Variants in DLG2 observed in about 807,000 individuals in gnomAD.
DLG2 encodes discs large MAGUK scaffold protein 2, also known as disks large homolog 2.
A neutral mutation model predicts 132.5 loss-of-function variants in DLG2; 45 were observed. The ratio of observed to expected loss-of-function variants is 0.34; its 90% confidence interval spans 0.27 to 0.44. DLG2 has a LOEUF of 0.44. Among genes scored for constraint, DLG2 ranks in the 20% least tolerant of loss-of-function variants. The pLI is 1.00. For missense variants in DLG2, 1,045 were observed against 1,196.9 expected (o/e 0.87, Z 1.87); for synonymous variants, 424 against 419.6 (o/e 1.01, Z -0.13).
chr11:83,670,441 A>T (rs559473557), intron 18 of DLG2, among the ~76,000 whole-genome samples: 2 of 152,224 alleles, frequency 1.3e-5, no homozygotes, highest in African/African-American at 4.8e-5. Context: ...CTTGGTCACC[A>T]TGATAGGTTT....
intron 6 of DLG2, among the ~76,000 whole-genome samples, chr11:84,940,813 C>T (rs967145916): frequency 2.0e-5 from 3 of 152,144 alleles, no homozygotes; most frequent in African/African-American, 4.8e-5. Flanking sequence ...AGACCAATGA[C>T]CTAGAGAGTT....
At chr11:84,052,925 A>G (rs150474368) in intron 11 of DLG2, among the ~76,000 whole-genome samples, 2,507 of 152,188 alleles carry the variant, frequency 0.016, 70 homozygotes, top group African/African-American at 0.056. Context: ...TATATACCCA[A>G]AGAAATATAA....
At chr11:83,904,695 T>C (rs906657697) in intron 15 of DLG2, among the ~76,000 whole-genome samples, 3 of 152,062 alleles carry the variant, frequency 2.0e-5, no homozygotes, top group African/African-American at 7.2e-5. Flanking sequence ...ATAACAATAA[T>C]GCATTTCTCC....
chr11:85,398,614 G>T (rs1432724055), intron 3 of DLG2, among the ~76,000 whole-genome samples: 2 of 152,178 alleles, frequency 1.3e-5, no homozygotes, highest in Non-Finnish European at 1.5e-5. Flanking sequence ...CAATCCCACA[G>T]AAATACAAAC....
intron 14 of DLG2, among the ~76,000 whole-genome samples, chr11:83,945,993 CTTTTT>C (rs765410972): frequency 1.4e-5 from 1 of 72,010 alleles, no homozygotes; most frequent in Non-Finnish European, 2.6e-5. Context: ...CTCTCTCTCT[CTTTTT>C]TTTTTTTTTT....
At position 85,014,702 on chromosome 11, in the gene DLG2, C is replaced by T. The variant is rs186340781; in HGVS notation, c.357+96959G>A. On this transcript the variant is annotated intron_variant, in intron 6 of 27. Transcript: ENST00000376104. ...AAATGATTCATACTTCAAAGCCCCA[C>T]CCGGACCTAACACACATCAGCTCCA... Among the ~76,000 whole-genome samples, 438 of 152,272 alleles carry T rather than the reference C, an allele frequency of 2.9e-3. 3 individuals carry two copies. The highest frequency in any genetic ancestry group is 0.018 in the South Asian group (89 of 4,824).
intron 6 of DLG2, among the ~76,000 whole-genome samples, chr11:84,871,865 G>C (rs1202300837): frequency 2.0e-5 from 3 of 152,078 alleles, no homozygotes; most frequent in Non-Finnish European, 4.4e-5. Flanking sequence ...AGTAGAGACG[G>C]GGTTTCACCA....
rs4944472 is a variant in DLG2 at position 84,211,061 on chromosome 11, G to C, written c.573+40177C>G. On this transcript the variant is annotated intron_variant, in intron 8 of 27. Coordinates refer to ENST00000376104, the MANE Select transcript of DLG2 (RefSeq NM_001142699.3). Reference sequence around the variant, plus strand: ...TTGAATCAAGTTTCTAAAGTATATCGTTGGATGAAAAGAAACAAAACAACT... The same window carrying C: ...TTGAATCAAGTTTCTAAAGTATATCCTTGGATGAAAAGAAACAAAACAACT... Among the ~76,000 whole-genome samples the C allele has an allele frequency of 2.0e-5, 3 of 152,102 alleles. No individual in the cohort carries two copies. In the East Asian group the frequency reaches 5.8e-4, roughly 29 times the overall value.
In DLG2 at chr11:84,001,323, T is replaced by TAAA. The variant is rs34868321; in HGVS notation, c.920-20684_920-20682dup. On this transcript the variant is annotated intron_variant, in intron 11 of 27. Transcript: ENST00000376104. ...TATATTGGATAAAACAGACTTCAAG[T>TAAA]AAAAAAAAAAAAACAGTAAAAAAGA... Among the ~76,000 whole-genome samples the TAAA allele has an allele frequency of 2.4e-3, 334 of 138,958 alleles. 2 individuals carry two copies. Among genetic ancestry groups the TAAA allele is most frequent in the Middle Eastern group, 0.011 (3 of 266 alleles). The allele number at this position is 138,958 out of a possible 152,430, so 91.2% of individuals were successfully genotyped here.
At chr11:83,808,391 G>C (rs2046452155) in intron 17 of DLG2, among the ~76,000 whole-genome samples, 1 of 152,136 alleles carries the variant, frequency 6.6e-6, no homozygotes, top group Non-Finnish European at 1.5e-5. Flanking sequence ...CTGGCTGCAG[G>C]TTCTGATCAG....
At chr11:85,259,819 G>A (rs1366689034) in intron 4 of DLG2, among the ~76,000 whole-genome samples, 1 of 151,884 alleles carries the variant, frequency 6.6e-6, no homozygotes, top group Non-Finnish European at 1.5e-5. Flanking sequence ...GCATATTTAA[G>A]GCAATTCAGA....
Position 83,960,636 on chromosome 11 carries a change from A to AT in DLG2, c.1340+2248dup, listed in dbSNP as rs34317339. Among the ~76,000 whole-genome samples the AT allele has an allele frequency of 4.4e-3, 638 of 146,062 alleles. 9 individuals are homozygous for AT. The highest frequency in any genetic ancestry group is 0.013 in the African/African-American group (523 of 40,502). The stretch of plus-strand genomic sequence containing the variant: ...CATTGGGGAATCCATTGATTTACAC[A>AT]TTTTTTTTTTTTGCCTCAATTGAAT... On this transcript the variant is annotated intron_variant, in intron 14 of 27. Coordinates refer to ENST00000376104, the MANE Select transcript of DLG2 (RefSeq NM_001142699.3).
intron 8 of DLG2, among the ~76,000 whole-genome samples, chr11:84,197,818 T>A (rs2096541596): frequency 6.6e-6 from 1 of 152,128 alleles, no homozygotes; most frequent in Admixed American, 6.5e-5. Flanking sequence ...ATAATTCTGG[T>A]CACGTTTTAT....
intron 6 of DLG2, among the ~76,000 whole-genome samples, chr11:85,003,473 CT>C (rs912892672): frequency 9.2e-5 from 14 of 152,042 alleles, no homozygotes; most frequent in African/African-American, 3.4e-4. Flanking sequence ...TTGTAAATCT[CT>C]TTTGGTTTAA....
chr11:85,421,320 G>A (rs2090289999), intron 3 of DLG2, among the ~76,000 whole-genome samples: 6 of 152,014 alleles, frequency 3.9e-5, no homozygotes, highest in Admixed American at 3.9e-4. Flanking sequence ...TACCTCAGTT[G>A]GAAATGCAGA....
intron 5 of DLG2, among the ~76,000 whole-genome samples, chr11:85,147,645 T>C (rs1204849304): frequency 2.0e-5 from 3 of 152,240 alleles, no homozygotes. Flanking sequence ...GAATTAAGTA[T>C]AATTTTACAG....
chr11:84,833,598 T>C (rs2079318819), intron 6 of DLG2, among the ~76,000 whole-genome samples: 1 of 150,660 alleles, frequency 6.6e-6, no homozygotes, highest in Non-Finnish European at 1.5e-5. Flanking sequence ...AAAAAGGAAC[T>C]ATCAGCACCA....
At chr11:85,317,004 G>A (rs2080729572) in intron 3 of DLG2, among the ~76,000 whole-genome samples, 1 of 151,970 alleles carries the variant, frequency 6.6e-6, no homozygotes, top group South Asian at 2.1e-4. Flanking sequence ...GTTCTGAAGT[G>A]TCAGAAATGG....
rs576807519 is a variant in DLG2 at position 85,190,714 on chromosome 11, T to G, written c.187-36063A>C. 2.6e-5 allele frequency among the ~76,000 whole-genome samples: 4 copies of G among 151,672 alleles called. No homozygotes were observed. The East Asian group carries it at 7.8e-4, about 30-fold the overall frequency. On this transcript the variant is annotated intron_variant, in intron 4 of 27. Transcript: ENST00000376104. The stretch of plus-strand genomic sequence containing the variant: ...CCCCACAGAAATACAAAAGCTCTGT[T>G]ATGAACACCCCTATGCACATAAATT...
Sources: allele counts gnomAD v4.1 joint callset (sites outside exome capture counted in the v4.1 genomes callset), GRCh38; gene constraint gnomAD v4.1.1; transcripts MANE v1.5; gene names NCBI Gene and HGNC (gene_info 2026-07-23, HGNC 2026-07-21).